The following ASH1L variants were observed in gnomAD, a reference collection of about 807,000 sequenced individuals.
The protein encoded by ASH1L is histone-lysine N-methyltransferase ASH1L.
A neutral mutation model predicts 269.0 loss-of-function variants in ASH1L; 23 were observed. The observed-to-expected ratio is 0.09, with a 90% confidence interval of 0.06 to 0.12. The LOEUF (loss-of-function observed/expected upper bound fraction) is 0.12. Among genes scored for constraint, ASH1L ranks in the 10% least tolerant of loss-of-function variants. The pLI, the probability that ASH1L is intolerant of heterozygous loss-of-function variation, is 1.00. For synonymous variants in ASH1L, 1,187 were observed against 1,253.5 expected (o/e 0.95, Z 1.12); for missense variants, 2,912 against 3,567.8 (o/e 0.82, Z 4.68).
At position 155,562,363 on chromosome 1, in the gene ASH1L, G is replaced by T. The variant is rs759067596; in HGVS notation, c.-310C>A. ...AAAGGGGGCAAACTGAGGGGAGGCGGGTCCCGCAACCGAGACTGGGATCGT... is the reference window on the plus strand; with the variant it reads ...AAAGGGGGCAAACTGAGGGGAGGCGTGTCCCGCAACCGAGACTGGGATCGT... On this transcript the variant is annotated 5_prime_UTR_variant, in exon 1 of 28. Transcript: ENST00000392403. The T allele has an allele frequency of 1.3e-6, 2 of 1,524,302 alleles. No individual in the cohort carries two copies. The highest frequency in any genetic ancestry group is 2.7e-5 in the African/African-American group (2 of 72,822). 94.4% of individuals were successfully genotyped at this position (1,524,302 alleles called of 1,614,324 possible). A position where few individuals can be genotyped will look rare whatever the true frequency, so the allele number is the denominator to read the frequency against.
At chr1:155,491,952 C>T (rs769076304) in intron 2 of ASH1L, among the ~76,000 whole-genome samples, 4 of 151,484 alleles carry the variant, frequency 2.6e-5, no homozygotes, top group East Asian at 3.9e-4. Context: ...GGATTACAGG[C>T]GTGAGTCACC....
intron 4 of ASH1L, among the ~76,000 whole-genome samples, chr1:155,444,221 A>G (rs1662824706): frequency 6.6e-6 from 1 of 151,990 alleles, no homozygotes; most frequent in Admixed American, 6.6e-5. Context: ...ACCTCAAATG[A>G]TCCACCTGCC....
In ASH1L at chr1:155,428,452, A is replaced by AT. The variant is rs571857079; in HGVS notation, c.5828+9874_5828+9875insA. On this transcript the variant is annotated intron_variant, in intron 5 of 27. Transcript: ENST00000392403. ...AATGAAATTCCGTCTCAAAAAAAAA[A>AT]ATATATATATATATGTTGGGAACAG... Among the ~76,000 whole-genome samples the AT allele has an allele frequency of 1.0e-2, 1,507 of 150,794 alleles. 9 individuals are homozygous for AT. Among genetic ancestry groups the AT allele is most frequent in the African/African-American group, 0.012 (503 of 41,000 alleles).
At chr1:155,426,531 G>T (rs1661170931) in intron 5 of ASH1L, among the ~76,000 whole-genome samples, 1 of 152,104 alleles carries the variant, frequency 6.6e-6, no homozygotes, top group African/African-American at 2.4e-5. Context: ...ATAGAGATAG[G>T]GTTTCACCAT....
intron 2 of ASH1L, among the ~76,000 whole-genome samples, chr1:155,504,497 G>A (rs541108577): frequency 2.4e-4 from 36 of 152,150 alleles, no homozygotes; most frequent in Admixed American, 1.1e-3. Context: ...TGAAGACCAG[G>A]GTAGTTCACT....
chr1:155,378,108 TC>T (rs1297729286), intron 10 of ASH1L, among the ~76,000 whole-genome samples, 172 bp downstream of exon 10: 1 of 151,976 alleles, frequency 6.6e-6, no homozygotes, highest in African/African-American at 2.4e-5. Context: ...CACACAAGAC[TC>T]TAAATCTCAT....
intron 5 of ASH1L, among the ~76,000 whole-genome samples, chr1:155,417,402 C>T (rs993106187): frequency 3.3e-5 from 5 of 152,096 alleles, no homozygotes; most frequent in African/African-American, 1.2e-4. Context: ...AATTATAACT[C>T]TAGAAATCTA....
At chr1:155,444,183 T>C (rs1662819853) in intron 4 of ASH1L, among the ~76,000 whole-genome samples, 4 of 152,074 alleles carry the variant, frequency 2.6e-5, no homozygotes. Flanking sequence ...AATTTCACCA[T>C]GTTGGCCAGG....
At chr1:155,430,320 C>T (rs1489030629) in intron 5 of ASH1L, among the ~76,000 whole-genome samples, 1 of 152,024 alleles carries the variant, frequency 6.6e-6, no homozygotes, top group Non-Finnish European at 1.5e-5. Context: ...GTTTGCAGCC[C>T]ATATTCTCTT....
chr1:155,465,446 A>G (rs79807473), intron 3 of ASH1L, among the ~76,000 whole-genome samples: 1 of 152,312 alleles, frequency 6.6e-6, no homozygotes, highest in African/African-American at 2.4e-5. Context: ...GACACAAGTA[A>G]CTAAGAAATC....
intron 2 of ASH1L, among the ~76,000 whole-genome samples, chr1:155,520,828 C>G (rs1668838784): frequency 1.3e-5 from 2 of 152,202 alleles, no homozygotes; most frequent in South Asian, 4.1e-4. Flanking sequence ...CACCATTGCA[C>G]TCCAGCCTGG....
rs1425738720 is a variant in ASH1L, at chr1:155,562,666, G to A, written c.-613C>T. The A allele has an allele frequency of 2.6e-6, 4 of 1,523,062 alleles. No homozygotes were observed. The highest frequency in any genetic ancestry group is 2.5e-5 in the East Asian group (1 of 40,570). The allele number at this position is 1,523,062 out of a possible 1,614,324, so 94.3% of individuals were successfully genotyped here. ...CTCCCACCAACCACCACCTTCGGCC[G>A]CCCCGCGCGCCAGCCAGCCCGTACG... On this transcript the variant is annotated 5_prime_UTR_variant, in exon 1 of 28. Transcript: ENST00000392403.
rs1377569655 is a variant in ASH1L, at chr1:155,508,134, A to G, written c.420+12966T>C. ...CCATCTCCTTTTAAGTTACTGTGTG[A>G]TAAATACAAGTAAATATTGTGACTT... On this transcript the variant is annotated intron_variant, in intron 2 of 27. Transcript: ENST00000392403. Among the ~76,000 whole-genome samples the G allele has an allele frequency of 2.0e-5, 3 of 152,262 alleles. No individual in the cohort carries two copies. In the South Asian group the frequency reaches 6.2e-4, roughly 32 times the overall value.
chr1:155,461,164 AAAG>A (rs1306074687), intron 3 of ASH1L, among the ~76,000 whole-genome samples: 1 of 152,194 alleles, frequency 6.6e-6, no homozygotes, highest in Non-Finnish European at 1.5e-5. Context: ...TTCACTCCTA[AAAG>A]AAGATGTGAT....
Position 155,481,156 on chromosome 1 carries a change from G to A in ASH1L, c.1714C>T (p.Pro572Ser). 6.2e-7 allele frequency: 1 copy of A among 1,614,034 alleles called. No homozygotes were observed. Among genetic ancestry groups the A allele is most frequent in the South Asian group, 1.1e-5 (1 of 91,080 alleles). ...VSVNPLTRSP[P>S]ETSSQLAPNP... ...GGAGCCAACTGTGAAGAAGTTTCAGGGGGACTTCTGGTTAAAGGATTAACA... is the reference window on the plus strand; with the variant it reads ...GGAGCCAACTGTGAAGAAGTTTCAGAGGGACTTCTGGTTAAAGGATTAACA... The change falls in exon 3 of 28, where the codon CCT (proline) becomes TCT (serine). Residue 572 changes from proline (P) to serine (S), a missense_variant. Pro to Ser is a moderately conservative substitution (Grantham distance 74, BLOSUM62 -1). Around this residue, in one of 13 missense-constraint regions of ASH1L, gnomAD observed 715 missense variants for 721.0 expected, o/e 0.99. Transcript: ENST00000392403.
chr1:155,498,711 G>C (rs1048683943), intron 2 of ASH1L, among the ~76,000 whole-genome samples: 3 of 151,918 alleles, frequency 2.0e-5, no homozygotes, highest in Admixed American at 2.0e-4. Context: ...AAAGTGCTGG[G>C]ATTACAGGCA....
intron 21 of ASH1L, among the ~76,000 whole-genome samples, chr1:155,345,477 C>A (rs1274664928): frequency 6.6e-6 from 1 of 151,668 alleles, no homozygotes; most frequent in Non-Finnish European, 1.5e-5. Flanking sequence ...GCCACTGCGC[C>A]CGGCCGAGGA....
In ASH1L at chr1:155,481,338, T is replaced by A; in HGVS notation, c.1532A>T (p.Lys511Met). 1 of 1,614,128 alleles carries A rather than the reference T, an allele frequency of 6.2e-7. No individual in the cohort carries two copies. The highest frequency in any genetic ancestry group is 8.5e-7 in the Non-Finnish European group (1 of 1,179,988). Residue 511 changes from lysine to methionine, a missense_variant, in exon 3 of 28, where the codon AAG becomes ATG. Lys to Met is a moderately conservative substitution (Grantham distance 95). Coordinates refer to ENST00000392403, the MANE Select transcript of ASH1L (RefSeq NM_018489.3). Reference protein sequence around the residue: ...IQQDSFSSSEKGSYETSKHEK... With the variant: ...IQQDSFSSSEMGSYETSKHEK... ...ATGCTTTGAGGTTTCATAAGATCCC[T>A]TTTCACTGGATGAGAAACTGTCTTG... is the stretch of plus-strand genomic sequence containing the variant.
At chr1:155,360,017 A>G (rs1194592474) in intron 13 of ASH1L, among the ~76,000 whole-genome samples, 1 of 151,846 alleles carries the variant, frequency 6.6e-6, no homozygotes, top group Non-Finnish European at 1.5e-5. Context: ...CTTAGCCTCC[A>G]ATAAACTGGG....
Sources: gnomAD v4.1 joint callset for allele counts (sites outside exome capture counted in the v4.1 genomes callset) on GRCh38, gnomAD v4.1.1 for gene constraint, gnomAD v4.1.1 regional missense constraint, MANE v1.5 for transcripts, NCBI Gene and HGNC (gene_info 2026-07-23, HGNC 2026-07-21) for gene names.